The following KCNK10 variants were observed in gnomAD, a reference collection of about 807,000 sequenced individuals.
KCNK10 encodes potassium channel subfamily K member 10.
KCNK10 carries 25 observed loss-of-function variants against 47.7 expected under a neutral mutation model. The observed-to-expected ratio is 0.52, with a 90% CI of 0.38 to 0.73. The LOEUF is 0.73. KCNK10 is among the 30% of genes least tolerant of loss of function. The probability of loss-of-function intolerance (pLI) is 0.00; values close to 1 mark genes in which losing one functional copy is unlikely to be tolerated. For synonymous variants in KCNK10, 303 were observed against 285.6 expected (o/e 1.06, Z -0.61); for missense variants, 563 against 714.5 (o/e 0.79, Z 2.42).
At chr14:88,205,532 CT>C in intron 4 of KCNK10, among the ~76,000 whole-genome samples, 1 of 139,324 alleles carries the variant, frequency 7.2e-6, no homozygotes, top group East Asian at 2.3e-4. Flanking sequence ...TTTTTCTTTT[CT>C]TTTCTTTTCT....
intron 3 of KCNK10, among the ~76,000 whole-genome samples, chr14:88,233,757 C>G (rs992072320): frequency 6.6e-6 from 1 of 152,198 alleles, no homozygotes; most frequent in Non-Finnish European, 1.5e-5. Flanking sequence ...GTTCAATAAA[C>G]CAAGTTCCTG....
At chr14:88,209,822 TAATCAATTCAC>T (rs1885397615) in intron 4 of KCNK10, among the ~76,000 whole-genome samples, 1 of 152,204 alleles carries the variant, frequency 6.6e-6, no homozygotes, top group Non-Finnish European at 1.5e-5. Context: ...CTCTCCTCTC[TAATCAATTCAC>T]AATCAATAAA....
At chr14:88,250,399 G>C (rs1020309208) in intron 2 of KCNK10, among the ~76,000 whole-genome samples, 1 of 152,148 alleles carries the variant, frequency 6.6e-6, no homozygotes, top group Non-Finnish European at 1.5e-5. Flanking sequence ...CAACAGCCAG[G>C]AGGAGTCACT....
intron 4 of KCNK10, among the ~76,000 whole-genome samples, chr14:88,193,341 G>A (rs187014870): frequency 6.6e-6 from 1 of 152,292 alleles, no homozygotes; most frequent in Non-Finnish European, 1.5e-5. Flanking sequence ...AATCATACCA[G>A]TGGAGTCCAG....
At position 88,275,665 on chromosome 14, in the gene KCNK10, T is replaced by A. The variant is rs532905654; in HGVS notation, c.53-12114A>T. Among the ~76,000 whole-genome samples, 30 of 124,956 alleles carry A rather than the reference T, an allele frequency of 2.4e-4. No homozygotes were observed. In the South Asian group the frequency reaches 7.1e-3, roughly 29 times the overall value. 82.0% of individuals were successfully genotyped at this position (124,956 alleles called of 152,430 possible). On this transcript the variant is annotated intron_variant, in intron 1 of 6. Transcript: ENST00000319231. ...GAGTTTGAGACCAGCCTGGCCAACATGGCGAAGTCCCAGCTCTGCTAAAAA... is the reference window on the plus strand; with the variant it reads ...GAGTTTGAGACCAGCCTGGCCAACAAGGCGAAGTCCCAGCTCTGCTAAAAA...
intron 1 of KCNK10, among the ~76,000 whole-genome samples, chr14:88,264,780 T>C (rs1386214367): frequency 6.6e-6 from 1 of 152,228 alleles, no homozygotes; most frequent in African/African-American, 2.4e-5. Flanking sequence ...TTGCCTGGAA[T>C]CTTGATTGAA....
At chr14:88,255,322 TTATTGGC>T (rs539585797) in intron 2 of KCNK10, among the ~76,000 whole-genome samples, 71 of 152,268 alleles carry the variant, frequency 4.7e-4, no homozygotes, top group Middle Eastern at 3.4e-3. Context: ...GTTTAATCAC[TTATTGGC>T]TGTCTGGACT....
intron 4 of KCNK10, among the ~76,000 whole-genome samples, chr14:88,205,451 T>C (rs1885237939): frequency 6.6e-6 from 1 of 152,062 alleles, no homozygotes; most frequent in Non-Finnish European, 1.5e-5. Flanking sequence ...TGTCTGTCCA[T>C]CCATCCATGT....
chr14:88,192,546 T>C lies in KCNK10; in HGVS notation c.682-136A>G, dbSNP rs146996055. The C allele has an allele frequency of 1.2e-4, 82 of 687,198 alleles. No homozygotes were observed. In the East Asian group the frequency reaches 2.3e-3, roughly 19 times the overall value. 42.6% of individuals were successfully genotyped at this position (687,198 alleles called of 1,614,324 possible). A position where few individuals can be genotyped will look rare whatever the true frequency, so the allele number is the denominator to read the frequency against. ...CATTGGCTGCTTGGAGGAAATTTGATGAACGCTGTGAACTCTTTCCTAGAA... is the reference window on the plus strand; with the variant it reads ...CATTGGCTGCTTGGAGGAAATTTGACGAACGCTGTGAACTCTTTCCTAGAA... On this transcript the variant is annotated intron_variant, in intron 4 of 6. Transcript: ENST00000319231.
chr14:88,236,829 C>A (rs1886315700), intron 3 of KCNK10, among the ~76,000 whole-genome samples: 1 of 152,160 alleles, frequency 6.6e-6, no homozygotes, highest in African/African-American at 2.4e-5. Flanking sequence ...TAATAATAAT[C>A]TGAGTTTTCA....
chr14:88,224,910 G>A (rs1195096889), intron 4 of KCNK10, among the ~76,000 whole-genome samples: 2 of 152,150 alleles, frequency 1.3e-5, no homozygotes, highest in African/African-American at 4.8e-5. Context: ...ATGCCCGGCA[G>A]AAAGCCAACT....
chr14:88,273,599 C>T (rs1174961689), intron 1 of KCNK10, among the ~76,000 whole-genome samples: 2 of 152,126 alleles, frequency 1.3e-5, no homozygotes, highest in Admixed American at 6.5e-5. Flanking sequence ...GTCAGAGCAG[C>T]CCAGGCATAT....
chr14:88,248,639 G>A (rs1396208411), intron 2 of KCNK10, among the ~76,000 whole-genome samples: 1 of 152,068 alleles, frequency 6.6e-6, no homozygotes, highest in East Asian at 1.9e-4. Context: ...TCAGGTGGGA[G>A]GATCGTTGGA....
At chr14:88,291,770 G>C (rs1344692842) in intron 1 of KCNK10, among the ~76,000 whole-genome samples, 2 of 152,210 alleles carry the variant, frequency 1.3e-5, no homozygotes, top group Admixed American at 6.5e-5. Flanking sequence ...TGTTTGGCCT[G>C]TAATGCAGGC....
At chr14:88,234,937 C>G (rs1886258203) in intron 3 of KCNK10, 4 of 345,860 alleles carry the variant, frequency 1.2e-5, no homozygotes, top group South Asian at 9.3e-5. Flanking sequence ...TGACAGGGCC[C>G]TAAAGTGGTA....
intron 4 of KCNK10, among the ~76,000 whole-genome samples, chr14:88,199,810 G>A (rs1431362054): frequency 1.3e-5 from 2 of 152,166 alleles, no homozygotes; most frequent in African/African-American, 4.8e-5. Flanking sequence ...ATGACAAACA[G>A]GTATGCATTT....
At chr14:88,214,697 A>G (rs1353646599) in intron 4 of KCNK10, among the ~76,000 whole-genome samples, 2 of 152,252 alleles carry the variant, frequency 1.3e-5, no homozygotes, top group Non-Finnish European at 2.9e-5. Flanking sequence ...ACTAATAATG[A>G]GCTGGTATTA....
chr14:88,247,285 G>A (rs756359188), intron 2 of KCNK10, among the ~76,000 whole-genome samples: 6 of 152,132 alleles, frequency 3.9e-5, no homozygotes, highest in Admixed American at 6.5e-5. Flanking sequence ...GCTGACGCAC[G>A]TGTGCCTTTA....
At chr14:88,212,394 C>T (rs972972340) in intron 4 of KCNK10, among the ~76,000 whole-genome samples, 7 of 151,488 alleles carry the variant, frequency 4.6e-5, no homozygotes, top group South Asian at 4.2e-4. Flanking sequence ...GAGCCAAGAT[C>T]GCACCATTGC....
Sources: gnomAD v4.1 joint callset for allele counts (sites outside exome capture counted in the v4.1 genomes callset) on GRCh38, gnomAD v4.1.1 for gene constraint, MANE v1.5 for transcripts, NCBI Gene and HGNC (gene_info 2026-07-23, HGNC 2026-07-21) for gene names.